The following PTK2 variants were observed in gnomAD, a reference collection of about 807,000 sequenced individuals.
PTK2 encodes the protein focal adhesion kinase 1.
Under a neutral mutation model 150.1 loss-of-function variants are expected in PTK2, and 45 were observed. That is an observed-to-expected ratio of 0.30 (90% CI 0.24 to 0.38). The LOEUF (loss-of-function observed/expected upper bound fraction) is 0.38, where lower values mean the gene tolerates loss of function less well. PTK2 is among the 10% of genes least tolerant of loss of function. The pLI, the probability that PTK2 is intolerant of heterozygous loss-of-function variation, is 1.00. For missense variants in PTK2, 919 were observed against 1,307.3 expected (o/e 0.70, Z 4.58); for synonymous variants, 432 against 449.2 (o/e 0.96, Z 0.48).
At chr8:140,752,429 T>G (rs2100063322) in intron 16 of PTK2, 113 bp from the exon 20 acceptor site, 2 of 838,572 alleles carry the variant, frequency 2.4e-6, no homozygotes, top group East Asian at 5.2e-5. Flanking sequence ...CCAGACAGAA[T>G]CAGAACGGCA....
intron 11 of PTK2, among the ~76,000 whole-genome samples, chr8:140,801,982 G>C (rs898299658): frequency 1.3e-5 from 2 of 151,650 alleles, no homozygotes; most frequent in Non-Finnish European, 2.9e-5. Flanking sequence ...TAAAAGTATA[G>C]CACATACGAT....
At chr8:140,853,327 C>T (rs1055854751) in intron 5 of PTK2, among the ~76,000 whole-genome samples, 1 of 141,674 alleles carries the variant, frequency 7.1e-6, no homozygotes, top group African/African-American at 2.6e-5. Context: ...TATCCTAATG[C>T]TATCCCTCCC....
intron 26 of PTK2, among the ~76,000 whole-genome samples, chr8:140,700,070 G>A (rs769118104): frequency 6.6e-6 from 1 of 152,172 alleles, no homozygotes; most frequent in Non-Finnish European, 1.5e-5. Flanking sequence ...GCATTCTGCT[G>A]CAGAAACACT....
At chr8:140,776,930 A>G (rs760650352) in intron 14 of PTK2, among the ~76,000 whole-genome samples, 3 of 152,226 alleles carry the variant, frequency 2.0e-5, no homozygotes, top group Non-Finnish European at 4.4e-5. Context: ...AGTAGGAAGA[A>G]TATGGTATTC....
intron 3 of PTK2, 38 bp from the exon 4 acceptor site, chr8:140,879,675 TGAAAAAA>T: frequency 2.7e-5 from 1 of 37,212 alleles, no homozygotes; most frequent in African/African-American, 6.2e-4. Flanking sequence ...TGTTATAAAC[TGAAAAAA>T]AAAAAAAAAA....
At chr8:140,687,237 AG>A (rs1325297957) in intron 26 of PTK2, 2 of 155,558 alleles carry the variant, frequency 1.3e-5, no homozygotes, top group African/African-American at 4.8e-5. Flanking sequence ...TTTATGGTGA[AG>A]GAACAGGGCA....
chr8:140,718,007 G>A lies in PTK2; in HGVS notation c.2031-298C>T, dbSNP rs968576613. 1.0e-4 allele frequency: 32 copies of A among 305,362 alleles called. No individual in the cohort carries two copies. In the East Asian group the frequency reaches 1.1e-3, roughly 10 times the overall value. 18.9% of individuals were successfully genotyped at this position (305,362 alleles called of 1,614,324 possible). A position where few individuals can be genotyped will look rare whatever the true frequency, so the allele number is the denominator to read the frequency against. ...ATGGGCCAAGATGAAATGTTTGCAT[G>A]CCAAAGTTTATCTTGAGCAGAACAG... On this transcript the variant is annotated intron_variant, in intron 22 of 31. Coordinates refer to ENST00000522684, the Ensembl canonical transcript of PTK2.
At chr8:140,723,058 ACT>A (rs2100043877) in intron 22 of PTK2, among the ~76,000 whole-genome samples, 2 of 151,660 alleles carry the variant, frequency 1.3e-5, no homozygotes, top group African/African-American at 2.4e-5. Context: ...CCACAAGAAG[ACT>A]CTCTCAGGCT....
At chr8:140,974,145 A>G (rs913052838) in intron 1 of PTK2, among the ~76,000 whole-genome samples, 5 of 152,184 alleles carry the variant, frequency 3.3e-5, no homozygotes, top group Non-Finnish European at 7.4e-5. Flanking sequence ...AGACTCCAGA[A>G]CACAATACGA....
In PTK2 at chr8:140,820,076, G is replaced by GTTTTTTTTTTTTTTTTTTTTT. The variant is rs370537018; in HGVS notation, c.649-1077_649-1057dup. On this transcript the variant is annotated intron_variant, in intron 8 of 31. Coordinates refer to ENST00000522684, the Ensembl canonical transcript of PTK2. The stretch of plus-strand genomic sequence containing the variant: ...AGAGGAGTGACTTTATCTGACTTTG[G>GTTTTTTTTTTTTTTTTTTTTT]TTTTTTTTTTTTTTTTTTTTTTTTT... 8.0e-5 allele frequency among the ~76,000 whole-genome samples: 4 copies of GTTTTTTTTTTTTTTTTTTTTT among 50,254 alleles called. 1 individual carries two copies. The highest frequency in any genetic ancestry group is 1.7e-4 in the Non-Finnish European group (4 of 23,966). The allele number at this position is 50,254 out of a possible 152,430, so 33.0% of individuals were successfully genotyped here. A position where few individuals can be genotyped will look rare whatever the true frequency, so the allele number is the denominator to read the frequency against.
intron 4 of PTK2, among the ~76,000 whole-genome samples, chr8:140,874,915 G>T (rs1013915800): frequency 6.6e-6 from 1 of 152,028 alleles, no homozygotes; most frequent in South Asian, 2.1e-4. Flanking sequence ...TTGCTTATTG[G>T]GTGCCTATTG....
chr8:140,738,734 C>G (rs184933914), intron 21 of PTK2, among the ~76,000 whole-genome samples: 1 of 152,096 alleles, frequency 6.6e-6, no homozygotes, highest in African/African-American at 2.4e-5. Flanking sequence ...AGCAAAATAT[C>G]CCCCTGTGAG....
chr8:140,700,773 G>A (rs1473096010), intron 26 of PTK2, 118 bp downstream of exon 29: 1 of 1,360,704 alleles, frequency 7.3e-7, no homozygotes, highest in African/African-American at 1.5e-5. Context: ...CAAGTTTTAA[G>A]AAGTAGTTGT....
intron 1 of PTK2, among the ~76,000 whole-genome samples, chr8:140,950,980 A>T (rs544350543): frequency 7.6e-4 from 115 of 152,008 alleles, no homozygotes; most frequent in Middle Eastern, 3.4e-3. Context: ...TAATATATAT[A>T]TTTTTTTAAG....
intron 1 of PTK2, among the ~76,000 whole-genome samples, chr8:140,961,973 G>A (rs2100183339): frequency 6.6e-6 from 1 of 152,018 alleles, no homozygotes; most frequent in South Asian, 2.1e-4. Flanking sequence ...AAATATCTGG[G>A]CCTGGTGTGG....
rs1233836070 is a variant in PTK2 at position 140,676,587 on chromosome 8, C to T, written c.2563-1088G>A. Among the ~76,000 whole-genome samples, 4 of 95,784 alleles carry T rather than the reference C, an allele frequency of 4.2e-5. No individual in the cohort carries two copies. In the East Asian group the frequency reaches 1.2e-3, roughly 28 times the overall value. The allele number at this position is 95,784 out of a possible 152,430, so 62.8% of individuals were successfully genotyped here. A position where few individuals can be genotyped will look rare whatever the true frequency, so the allele number is the denominator to read the frequency against. ...AATGTGGAATAGTCACTGGGGACTTCGAAGAGTTGCCGCGGTCGGTGGGGG... is the reference window on the plus strand; with the variant it reads ...AATGTGGAATAGTCACTGGGGACTTTGAAGAGTTGCCGCGGTCGGTGGGGG... On this transcript the variant is annotated intron_variant, in intron 27 of 31. Coordinates refer to ENST00000522684, the Ensembl canonical transcript of PTK2.
intron 27 of PTK2, among the ~76,000 whole-genome samples, chr8:140,680,507 A>G (rs2100016365): frequency 6.6e-6 from 1 of 152,228 alleles, no homozygotes; most frequent in Non-Finnish European, 1.5e-5. Context: ...TTAATAAAGC[A>G]GTTCTGCATA....
intron 2 of PTK2, among the ~76,000 whole-genome samples, chr8:140,897,679 A>G (rs1008229201): frequency 6.6e-6 from 1 of 152,190 alleles, no homozygotes; most frequent in African/African-American, 2.4e-5. Context: ...AAGTCCCAAG[A>G]GTTGCTTTCT....
chr8:140,993,703 C>A (rs1156713514), intron 1 of PTK2, among the ~76,000 whole-genome samples: 1 of 152,112 alleles, frequency 6.6e-6, no homozygotes, highest in African/African-American at 2.4e-5. Flanking sequence ...AAAAAAGAGA[C>A]CCTAGGCACA....
Sources: allele counts gnomAD v4.1 joint callset (sites outside exome capture counted in the v4.1 genomes callset), GRCh38; gene constraint gnomAD v4.1.1; transcripts MANE v1.5; gene names NCBI Gene and HGNC (gene_info 2026-07-23, HGNC 2026-07-21).